ZEB1: variants seen among roughly 807,000 people sequenced by gnomAD.
ZEB1 encodes the protein zinc finger E-box binding homeobox 1.
Under a neutral mutation model 84.9 loss-of-function variants are expected in ZEB1, and 21 were observed. The ratio of observed to expected loss-of-function variants is 0.25; its 90% CI spans 0.18 to 0.36. The LOEUF is 0.36. Among genes scored for constraint, ZEB1 ranks in the 10% least tolerant of loss-of-function variants. ZEB1 has a pLI of 1.00. For synonymous variants in ZEB1, 420 were observed against 471.1 expected, an observed-to-expected ratio of 0.89 and a Z score of 1.41; for missense variants, 1,104 against 1,330.2, an observed-to-expected ratio of 0.83 and a Z score of 2.65.
intron 1 of ZEB1, among the ~76,000 whole-genome samples, chr10:31,323,457 C>G (rs751166536): frequency 2.0e-5 from 3 of 152,052 alleles, no homozygotes; most frequent in South Asian, 2.1e-4. Context: ...CTAGCAGTCA[C>G]TTAGATGTTA....
chr10:31,452,511 T>G (rs920780269), intron 1 of ZEB1, among the ~76,000 whole-genome samples: 3 of 152,180 alleles, frequency 2.0e-5, no homozygotes, highest in Non-Finnish European at 2.9e-5. Context: ...CCATTTTGTG[T>G]ACCTGTTTGC....
chr10:31,479,947 A>T (rs1045329125), intron 2 of ZEB1, among the ~76,000 whole-genome samples: 5 of 152,030 alleles, frequency 3.3e-5, no homozygotes, highest in Admixed American at 2.6e-4. Context: ...GTCTGTATTA[A>T]TCTTACAAGA....
intron 1 of ZEB1, among the ~76,000 whole-genome samples, chr10:31,402,825 CTT>C (rs745986593): frequency 2.6e-5 from 4 of 152,178 alleles, no homozygotes; most frequent in Non-Finnish European, 5.9e-5. Flanking sequence ...TGCCATCTCA[CTT>C]TATCTTTTTT....
rs114477429 is a variant in ZEB1, at chr10:31,452,529, G to C, written c.59-8508G>C. On this transcript the variant is annotated intron_variant, in intron 1 of 8. Coordinates refer to ENST00000424869, the MANE Select transcript of ZEB1 (RefSeq NM_001174096.2). Reference sequence around the variant, plus strand: ...TTTTGTGTACCTGTTTGCCTGGTCTGGTTATGACTGCAGTTTTGTTTTCAT... The same window carrying C: ...TTTTGTGTACCTGTTTGCCTGGTCTCGTTATGACTGCAGTTTTGTTTTCAT... Among the ~76,000 whole-genome samples, 1,007 of 152,070 alleles carry C rather than the reference G, an allele frequency of 6.6e-3. 15 individuals carry two copies. Among genetic ancestry groups the C allele is most frequent in the African/African-American group, 0.023 (953 of 41,474 alleles).
chr10:31,519,819 G>C (rs1202438746), intron 6 of ZEB1, among the ~76,000 whole-genome samples: 1 of 152,158 alleles, frequency 6.6e-6, no homozygotes, highest in African/African-American at 2.4e-5. Flanking sequence ...TGAAAGAGTA[G>C]AATGTAATTA....
intron 2 of ZEB1, among the ~76,000 whole-genome samples, chr10:31,465,449 G>T (rs868235424): frequency 6.6e-6 from 1 of 150,828 alleles, no homozygotes; most frequent in East Asian, 1.9e-4. Context: ...TAAACCATGC[G>T]ATTGCAAAAA....
chr10:31,496,703 A>G (rs975013861), intron 3 of ZEB1, among the ~76,000 whole-genome samples: 1 of 152,098 alleles, frequency 6.6e-6, no homozygotes, highest in Non-Finnish European at 1.5e-5. Context: ...AGTTTTAATT[A>G]CATTTTCTTT....
At chr10:31,406,814 T>A (rs2053157563) in intron 1 of ZEB1, among the ~76,000 whole-genome samples, 1 of 152,182 alleles carries the variant, frequency 6.6e-6, no homozygotes, top group South Asian at 2.1e-4. Flanking sequence ...CTAGAGTTTT[T>A]TATGGTTTTA....
chr10:31,523,267 T>G (rs1294744320), intron 7 of ZEB1, among the ~76,000 whole-genome samples: 3 of 152,208 alleles, frequency 2.0e-5, no homozygotes, highest in Admixed American at 1.3e-4. Context: ...CCCAAAATTA[T>G]CTCCATGAGA....
At chr10:31,382,269 C>T (rs189109338) in intron 1 of ZEB1, among the ~76,000 whole-genome samples, 3 of 152,118 alleles carry the variant, frequency 2.0e-5, no homozygotes, top group East Asian at 3.9e-4. Flanking sequence ...GGTGATAGAC[C>T]AGCAAATGAT....
At chr10:31,479,709 A>T (rs189287165) in intron 2 of ZEB1, among the ~76,000 whole-genome samples, 16 of 152,112 alleles carry the variant, frequency 1.1e-4, no homozygotes, top group African/African-American at 3.8e-4. Flanking sequence ...GAAATTGTTA[A>T]GTATGTAGTA....
chr10:31,410,183 A>G (rs2053971589), intron 1 of ZEB1, among the ~76,000 whole-genome samples: 1 of 152,192 alleles, frequency 6.6e-6, no homozygotes. Flanking sequence ...GTTACGTTCC[A>G]TCAATACCTA....
intron 1 of ZEB1, among the ~76,000 whole-genome samples, chr10:31,409,318 C>A (rs1188723046): frequency 6.6e-6 from 1 of 152,024 alleles, no homozygotes; most frequent in African/African-American, 2.4e-5. Flanking sequence ...CTAGTTCAAC[C>A]ATTGTGGAAG....
At position 31,521,026 on chromosome 10, in the gene ZEB1, C is replaced by T; in HGVS notation, c.1694C>T (p.Ala565Val). ...QPTQPPPLPAAEAEKPESSVS... is the reference protein window; with the variant it reads ...QPTQPPPLPAVEAEKPESSVS... ...ACTCAGCCTCCTCCACTCCCTGCAG[C>T]AGAAGCTGAGAAGCCTGAGTCCTCT... Residue 565 changes from alanine to valine, a missense_variant, in exon 7 of 9, where the codon GCA (alanine) becomes GTA (valine). By Grantham distance (64) the Ala-to-Val change is moderately conservative (BLOSUM62 0). Coordinates refer to ENST00000424869, the MANE Select transcript of ZEB1 (RefSeq NM_001174096.2). 1 of 1,614,054 alleles carries T rather than the reference C, an allele frequency of 6.2e-7. No individual in the cohort carries two copies. Among genetic ancestry groups the T allele is most frequent in the Non-Finnish European group, 8.5e-7 (1 of 1,179,980 alleles).
rs375912786 is a variant in ZEB1 at position 31,489,416 on chromosome 10, G to A, written c.260-6360G>A. 6.6e-5 allele frequency among the ~76,000 whole-genome samples: 10 copies of A among 150,754 alleles called. No homozygotes were observed. In the East Asian group the frequency reaches 1.8e-3, roughly 26 times the overall value. On this transcript the variant is annotated intron_variant, in intron 2 of 8. Coordinates refer to ENST00000424869, the MANE Select transcript of ZEB1 (RefSeq NM_001174096.2). ...AATGGGGATTTTTTTTATTATTTTT[G>A]GTCTATTCTGATCATCTCTGCCCTT...
chr10:31,465,783 T>A (rs79751734), intron 2 of ZEB1, among the ~76,000 whole-genome samples: 45 of 134,822 alleles, frequency 3.3e-4, no homozygotes, highest in African/African-American at 9.3e-4. Flanking sequence ...GTGGCTAATT[T>A]AAAAAAAAAA....
intron 1 of ZEB1, among the ~76,000 whole-genome samples, chr10:31,415,188 A>G (rs2054996047): frequency 1.3e-5 from 2 of 152,124 alleles, no homozygotes; most frequent in African/African-American, 2.4e-5. Context: ...TATGTTTTCA[A>G]TAGAATTAAC....
intron 1 of ZEB1, among the ~76,000 whole-genome samples, chr10:31,375,877 T>A (rs1488563007): frequency 1.3e-5 from 2 of 151,700 alleles, no homozygotes; most frequent in Non-Finnish European, 3.0e-5. Context: ...CCTTTCTACA[T>A]CCATTCTTAA....
At chr10:31,350,048 C>G (rs749436250) in intron 1 of ZEB1, among the ~76,000 whole-genome samples, 19 of 151,916 alleles carry the variant, frequency 1.3e-4, no homozygotes, top group Non-Finnish European at 2.6e-4. Context: ...TTTATAGTGT[C>G]GGGTTTCATG....
Sources: gnomAD v4.1 joint callset for allele counts (sites outside exome capture counted in the v4.1 genomes callset) on GRCh38, gnomAD v4.1.1 for gene constraint, MANE v1.5 for transcripts, NCBI Gene and HGNC (gene_info 2026-07-23, HGNC 2026-07-21) for gene names.